CCDC178: variants seen among roughly 807,000 people sequenced by gnomAD.
CCDC178 encodes coiled-coil domain containing 178.
Under a neutral mutation model 117.4 loss-of-function variants are expected in CCDC178, and 126 were observed. That is an observed-to-expected ratio of 1.07 (90% confidence interval 0.93 to 1.24). CCDC178 has a LOEUF of 1.24. Ranked by LOEUF, CCDC178 falls within the 50% of genes most tolerant of loss-of-function variation. The pLI, the probability that CCDC178 is intolerant of heterozygous loss-of-function variation, is 0.00. For synonymous variants in CCDC178, 283 were observed against 313.4 expected (o/e 0.90, Z 1.02); for missense variants, 1,030 against 986.9 (o/e 1.04, Z -0.59).
At position 33,108,968 on chromosome 18, in the gene CCDC178, G is replaced by A. The variant is rs147752198; in HGVS notation, c.2239-16058C>T. Among the ~76,000 whole-genome samples the A allele has an allele frequency of 1.4e-3, 216 of 151,578 alleles. 1 individual carries two copies. Among genetic ancestry groups the A allele is most frequent in the African/African-American group, 4.8e-3 (198 of 41,424 alleles). ...AAGGTCTTGCTTCTTCCTTCTTGTC[G>A]CTCCAGGTCTATTTCTGCATGTTTA... On this transcript the variant is annotated intron_variant, in intron 20 of 22. Transcript: ENST00000383096.
chr18:33,379,808 G>A (rs1331801236), intron 5 of CCDC178, among the ~76,000 whole-genome samples: 1 of 152,106 alleles, frequency 6.6e-6, no homozygotes, highest in Non-Finnish European at 1.5e-5. Flanking sequence ...TGTTCCAGGT[G>A]AGTGGGTGCT....
At chr18:33,097,559 G>T (rs1239312804) in intron 20 of CCDC178, among the ~76,000 whole-genome samples, 1 of 152,116 alleles carries the variant, frequency 6.6e-6, no homozygotes, top group Admixed American at 6.6e-5. Context: ...ACAGCTATTA[G>T]GCAGTGAAGC....
At chr18:32,983,434 A>G in intron 21 of CCDC178, 2 of 784,166 alleles carry the variant, frequency 2.6e-6, no homozygotes, top group African/African-American at 1.7e-5. Flanking sequence ...CAGTCAAACA[A>G]ATAGTACAAC....
intron 2 of CCDC178, among the ~76,000 whole-genome samples, chr18:33,432,516 CACACTA>C (rs2064235153): frequency 6.7e-6 from 1 of 149,882 alleles, no homozygotes; most frequent in South Asian, 2.1e-4. Context: ...CACACACACA[CACACTA>C]ACTGAATACT....
Position 33,397,128 on chromosome 18 carries a change from T to C in CCDC178, c.118+21A>G, listed in dbSNP as rs751708393. ...TGACAGAAAAAAGAGATGAAAATTA[T>C]ATATAATAGCTGTTGGATACCTTCA... On this transcript the variant is annotated intron_variant, in intron 4 of 22. Coordinates refer to ENST00000383096, the MANE Select transcript of CCDC178 (RefSeq NM_001105528.4). The C allele has an allele frequency of 3.4e-6, 5 of 1,475,750 alleles. No homozygotes were observed. In the African/African-American group the frequency reaches 7.1e-5, roughly 21 times the overall value. 91.4% of individuals were successfully genotyped at this position (1,475,750 alleles called of 1,614,324 possible).
At chr18:33,092,635 C>G in intron 21 of CCDC178, 126 bp downstream of exon 21, 2 of 548,174 alleles carry the variant, frequency 3.6e-6, no homozygotes, top group African/African-American at 2.0e-5. Context: ...CAAAACTACA[C>G]AGAGAAAATA....
chr18:33,259,653 C>A (rs9959364), intron 14 of CCDC178, among the ~76,000 whole-genome samples: 41 of 152,054 alleles, frequency 2.7e-4, no homozygotes, highest in Admixed American at 7.9e-4. Flanking sequence ...TTCAATCACC[C>A]CCCCCCACCA....
intron 14 of CCDC178, among the ~76,000 whole-genome samples, chr18:33,249,252 G>A (rs916440264): frequency 6.6e-6 from 1 of 152,100 alleles, no homozygotes; most frequent in Non-Finnish European, 1.5e-5. Flanking sequence ...CTTTTGCTGT[G>A]CAGAAGCTCT....
intron 9 of CCDC178, among the ~76,000 whole-genome samples, chr18:33,343,648 C>A (rs1042546880): frequency 6.6e-6 from 1 of 152,122 alleles, no homozygotes; most frequent in Admixed American, 6.6e-5. Flanking sequence ...GAATCAGCCT[C>A]CTGGCCCACA....
intron 21 of CCDC178, among the ~76,000 whole-genome samples, chr18:33,040,019 C>T (rs1567949733): frequency 6.6e-6 from 1 of 151,704 alleles, no homozygotes; most frequent in Admixed American, 6.6e-5. Context: ...AAAAAAAATA[C>T]ACTTTTGGCA....
intron 20 of CCDC178, among the ~76,000 whole-genome samples, chr18:33,094,829 C>G (rs902374610): frequency 2.0e-5 from 3 of 151,850 alleles, no homozygotes; most frequent in Non-Finnish European, 2.9e-5. Context: ...ACATCAGTCA[C>G]AATATTTTAC....
intron 21 of CCDC178, among the ~76,000 whole-genome samples, chr18:33,040,574 A>C (rs2056529184): frequency 1.3e-5 from 2 of 151,980 alleles, no homozygotes; most frequent in Admixed American, 1.3e-4. Context: ...GTCTTAGTAA[A>C]ACTGCTATCC....
chr18:33,029,664 C>T (rs1431414587), intron 21 of CCDC178, among the ~76,000 whole-genome samples: 1 of 151,916 alleles, frequency 6.6e-6, no homozygotes, highest in Admixed American at 6.6e-5. Context: ...ACTGCTTTAA[C>T]TACATCTCAC....
chr18:32,992,478 G>A (rs2055414572), intron 21 of CCDC178, among the ~76,000 whole-genome samples: 1 of 152,128 alleles, frequency 6.6e-6, no homozygotes, highest in Non-Finnish European at 1.5e-5. Flanking sequence ...AAAGTGACAA[G>A]GTGGCAACTG....
chr18:33,209,365 G>A (rs1031066641), intron 20 of CCDC178, among the ~76,000 whole-genome samples: 2 of 151,858 alleles, frequency 1.3e-5, no homozygotes, highest in African/African-American at 4.8e-5. Flanking sequence ...TCTATTGTGT[G>A]TTTTCTCATA....
At chr18:33,299,502 AACAC>A (rs71159812) in intron 11 of CCDC178, among the ~76,000 whole-genome samples, 12 of 146,092 alleles carry the variant, frequency 8.2e-5, no homozygotes, top group African/African-American at 1.8e-4. Context: ...AACTAGTATA[AACAC>A]ACACACACAC....
chr18:33,269,288 C>T (rs1341977910), intron 12 of CCDC178, among the ~76,000 whole-genome samples: 1 of 151,738 alleles, frequency 6.6e-6, no homozygotes, highest in Non-Finnish European at 1.5e-5. Flanking sequence ...AACTAACAAA[C>T]TAAAAAGGGA....
chr18:33,112,870 G>T (rs1299072907), intron 20 of CCDC178, among the ~76,000 whole-genome samples: 2 of 151,886 alleles, frequency 1.3e-5, no homozygotes, highest in African/African-American at 4.8e-5. Flanking sequence ...AGGGAAAACA[G>T]GAAAATCAAA....
At chr18:32,944,622 C>T (rs2054306388) in intron 22 of CCDC178, among the ~76,000 whole-genome samples, 1 of 152,114 alleles carries the variant, frequency 6.6e-6, no homozygotes, top group African/African-American at 2.4e-5. Flanking sequence ...TCTTCATAAC[C>T]AACTTTATAG....
Sources: allele counts gnomAD v4.1 joint callset (sites outside exome capture counted in the v4.1 genomes callset), GRCh38; gene constraint gnomAD v4.1.1; transcripts MANE v1.5; gene names NCBI Gene and HGNC (gene_info 2026-07-23, HGNC 2026-07-21).